PTPN14: variants seen among roughly 807,000 people sequenced by gnomAD.
The protein encoded by PTPN14 is tyrosine-protein phosphatase non-receptor type 14.
In PTPN14, 53 loss-of-function variants were observed where a neutral mutation model predicts 126.8. The ratio of observed to expected loss-of-function variants is 0.42; its 90% CI spans 0.34 to 0.53. PTPN14 has a LOEUF of 0.53. PTPN14 is among the 20% of genes least tolerant of loss of function. PTPN14 has a pLI of 0.08. For missense variants in PTPN14, 1,257 were observed against 1,552.9 expected, an observed-to-expected ratio of 0.81 and a Z score of 3.20; for synonymous variants, 630 against 599.3, an observed-to-expected ratio of 1.05 and a Z score of -0.75.
chr1:214,527,659 G>A (rs1192044347), intron 1 of PTPN14, among the ~76,000 whole-genome samples: 3 of 152,048 alleles, frequency 2.0e-5, no homozygotes, highest in Admixed American at 6.6e-5. Context: ...GATTCTGAAC[G>A]GTCATGTGGC....
intron 17 of PTPN14, among the ~76,000 whole-genome samples, chr1:214,366,371 AC>A (rs1658081436): frequency 6.6e-6 from 1 of 152,232 alleles, no homozygotes; most frequent in Non-Finnish European, 1.5e-5. Context: ...ACAAAGCTTT[AC>A]TTGAGCTAAA....
At chr1:214,403,303 T>C (rs1309055339) in intron 5 of PTPN14, among the ~76,000 whole-genome samples, 1 of 152,234 alleles carries the variant, frequency 6.6e-6, no homozygotes, top group Non-Finnish European at 1.5e-5. Flanking sequence ...TTCTAATGAT[T>C]GGGGTATAGG....
At chr1:214,551,162 C>G (rs907259037) in intron 1 of PTPN14, 21 bp downstream of exon 1, 2 of 152,316 alleles carry the variant, frequency 1.3e-5, no homozygotes, top group African/African-American at 4.8e-5. Context: ...GGGCCCAACT[C>G]CCGGCTTGGA....
intron 1 of PTPN14, among the ~76,000 whole-genome samples, chr1:214,545,585 G>A (rs1655949740): frequency 1.3e-5 from 2 of 152,172 alleles, no homozygotes; most frequent in African/African-American, 4.8e-5. Context: ...AATCTCAAGA[G>A]GCCAGTAAGG....
At chr1:214,417,674 T>C (rs538593468) in intron 3 of PTPN14, among the ~76,000 whole-genome samples, 2 of 152,340 alleles carry the variant, frequency 1.3e-5, no homozygotes, top group Admixed American at 1.3e-4. Flanking sequence ...TGCAACTGTG[T>C]TTTACTTGCA....
chr1:214,446,119 T>A (rs1305860285), intron 3 of PTPN14, among the ~76,000 whole-genome samples: 2 of 152,148 alleles, frequency 1.3e-5, no homozygotes, highest in African/African-American at 4.8e-5. Flanking sequence ...AGGTAATAAA[T>A]CTTACAGTTT....
At chr1:214,457,631 CA>C (rs1251220772) in intron 2 of PTPN14, among the ~76,000 whole-genome samples, 1 of 152,178 alleles carries the variant, frequency 6.6e-6, no homozygotes, top group Admixed American at 6.5e-5. Flanking sequence ...TAGCACTGTT[CA>C]GCAGAAATCA....
At chr1:214,400,151 A>G (rs931369022) in intron 7 of PTPN14, among the ~76,000 whole-genome samples, 50 of 152,296 alleles carry the variant, frequency 3.3e-4, no homozygotes, top group African/African-American at 1.2e-3. Context: ...TGTCAATAAG[A>G]ACCTGTACCA....
intron 11 of PTPN14, among the ~76,000 whole-genome samples, chr1:214,389,236 A>T (rs1415677111): frequency 6.6e-6 from 1 of 152,202 alleles, no homozygotes; most frequent in Non-Finnish European, 1.5e-5. Context: ...TGCCTTATTT[A>T]AAAAAAACCA....
intron 2 of PTPN14, among the ~76,000 whole-genome samples, chr1:214,453,649 C>G (rs1378346328): frequency 6.6e-6 from 1 of 152,158 alleles, no homozygotes. Context: ...CCACCATCGC[C>G]ACCACCATCA....
chr1:214,408,331 T>C (rs894279382), intron 5 of PTPN14, among the ~76,000 whole-genome samples: 13 of 152,150 alleles, frequency 8.5e-5, no homozygotes, highest in African/African-American at 2.7e-4. Context: ...AGCCAGAATG[T>C]TGATTGGTTA....
chr1:214,382,010 T>C (rs1246863046), intron 13 of PTPN14, among the ~76,000 whole-genome samples: 1 of 152,014 alleles, frequency 6.6e-6, no homozygotes, highest in Admixed American at 6.6e-5. Flanking sequence ...GTTCAAGTGA[T>C]TCTCCTGCCT....
In PTPN14 at chr1:214,551,274, A is replaced by C. The variant is rs1221153100; in HGVS notation, c.-246T>G. The C allele has an allele frequency of 6.6e-6, 1 of 152,504 alleles. No individual in the cohort carries two copies. The highest frequency in any genetic ancestry group is 1.5e-5 in the Non-Finnish European group (1 of 68,266). 9.4% of individuals were successfully genotyped at this position (152,504 alleles called of 1,614,324 possible). ...GCCGATTCCCCACGGAATTGATTCC[A>C]GTGACTGGCGGAGGAGGGGCGAAGG... On this transcript the variant is annotated 5_prime_UTR_variant, in exon 1 of 19. Transcript: ENST00000366956.
intron 1 of PTPN14, among the ~76,000 whole-genome samples, chr1:214,544,968 A>C (rs2102487798): frequency 6.6e-6 from 1 of 152,166 alleles, no homozygotes; most frequent in African/African-American, 2.4e-5. Flanking sequence ...GACCACAAAG[A>C]GGTTAAGCAG....
intron 1 of PTPN14, among the ~76,000 whole-genome samples, chr1:214,471,049 A>C (rs1660747441): frequency 6.6e-6 from 1 of 150,392 alleles, no homozygotes; most frequent in Non-Finnish European, 1.5e-5. Flanking sequence ...ACAAAACAAA[A>C]AAACAACTAC....
chr1:214,364,221 CAA>C lies in PTPN14; in HGVS notation c.3435+289_3435+290del, dbSNP rs1439737412. ...TAAAACCAGGCTATCTACAAAATGC[CAA>C]AGACTTCTGGAAGTAGATGCCGCCT... On this transcript the variant is annotated intron_variant, in intron 18 of 18. Coordinates refer to ENST00000366956, the MANE Select transcript of PTPN14 (RefSeq NM_005401.5). The surrounding 1 kb of genome is among the most constrained non-coding windows in gnomAD (Gnocchi z 4.1). Among the ~76,000 whole-genome samples the C allele has an allele frequency of 1.3e-5, 2 of 152,096 alleles. No individual in the cohort carries two copies. The highest frequency in any genetic ancestry group is 4.8e-5 in the African/African-American group (2 of 41,426).
Position 214,369,460 on chromosome 1 carries a change from A to G in PTPN14, c.3268T>C (p.Leu1090=). 6.2e-7 allele frequency: 1 copy of G among 1,613,006 alleles called. No homozygotes were observed. Among genetic ancestry groups the G allele is most frequent in the Non-Finnish European group, 8.5e-7 (1 of 1,178,964 alleles). ...GACTGGGAAGAAAAACACTTACATA[A>G]AAATCCTTGGACATCTTCTGGACAG... ...HGCPEDVQGF[L]SYLEEIQSVR... The change falls in exon 17 of 19, where the codon TTA becomes CTA. Residue 1090 remains leucine, a synonymous_variant. Coordinates refer to ENST00000366956, the MANE Select transcript of PTPN14 (RefSeq NM_005401.5).
At position 214,511,300 on chromosome 1, in the gene PTPN14, G is replaced by A. The variant is rs74611614; in HGVS notation, c.-155+39883C>T. Among the ~76,000 whole-genome samples, 1,003 of 152,116 alleles carry A rather than the reference G, an allele frequency of 6.6e-3. 5 individuals carry two copies. The highest frequency in any genetic ancestry group is 0.011 in the Non-Finnish European group (732 of 67,994). ...TACAAAAGGTACTAATAAAAAATAC[G>A]TTTTTATAACTCTTCAAAACTCACA... On this transcript the variant is annotated intron_variant, in intron 1 of 18. Transcript: ENST00000366956.
chr1:214,485,037 A>G (rs1400179570), intron 1 of PTPN14, among the ~76,000 whole-genome samples: 1 of 152,256 alleles, frequency 6.6e-6, no homozygotes, highest in Non-Finnish European at 1.5e-5. Context: ...TCAACACCAC[A>G]CTTGTCTTAG....
Sources: allele counts gnomAD v4.1 joint callset (sites outside exome capture counted in the v4.1 genomes callset), GRCh38; gene constraint gnomAD v4.1.1; non-coding constraint Gnocchi (gnomAD v3.1); transcripts MANE v1.5; gene names NCBI Gene and HGNC (gene_info 2026-07-23, HGNC 2026-07-21).